Variants in NKAIN3 observed in about 807,000 individuals in gnomAD.
NKAIN3 encodes the protein sodium/potassium-transporting ATPase subunit beta-1-interacting protein 3.
NKAIN3 carries 25 observed loss-of-function variants against 30.2 expected under a neutral mutation model. The observed-to-expected ratio is 0.83, with a 90% CI of 0.60 to 1.16. The LOEUF is 1.16. NKAIN3 is among the 50% of genes most tolerant of loss of function. The pLI is 0.00. For synonymous variants in NKAIN3, 91 were observed against 89.6 expected (o/e 1.02, Z -0.09); for missense variants, 225 against 254.1 (o/e 0.89, Z 0.78).
chr8:62,371,331 T>C (rs1585733291), intron 1 of NKAIN3, among the ~76,000 whole-genome samples: 1 of 151,962 alleles, frequency 6.6e-6, no homozygotes, highest in Non-Finnish European at 1.5e-5. Context: ...TGGAATACAA[T>C]GAAACTAGTT....
intron 1 of NKAIN3, among the ~76,000 whole-genome samples, chr8:62,439,302 T>C (rs994914187): frequency 2.6e-5 from 4 of 152,154 alleles, no homozygotes; most frequent in African/African-American, 9.7e-5. Context: ...AACTTACAGT[T>C]TACAAATTTT....
At chr8:62,362,933 T>G (rs1293913608) in intron 1 of NKAIN3, among the ~76,000 whole-genome samples, 1 of 152,198 alleles carries the variant, frequency 6.6e-6, no homozygotes, top group Non-Finnish European at 1.5e-5. Flanking sequence ...GGTTGAAATA[T>G]GGCTGCTGGG....
At chr8:62,787,998 A>G (rs1352933990) in intron 4 of NKAIN3, among the ~76,000 whole-genome samples, 1 of 149,266 alleles carries the variant, frequency 6.7e-6, no homozygotes, top group Admixed American at 6.8e-5. Flanking sequence ...ATACATGTGC[A>G]TGTGTCTTTA....
chr8:62,909,758 A>G (rs1325941670), intron 4 of NKAIN3, among the ~76,000 whole-genome samples: 2 of 152,186 alleles, frequency 1.3e-5, no homozygotes, highest in Non-Finnish European at 2.9e-5. Flanking sequence ...GGCAAAAGTA[A>G]AAGGAAATGT....
intron 1 of NKAIN3, among the ~76,000 whole-genome samples, chr8:62,448,245 T>C (rs937800384): frequency 4.0e-5 from 6 of 151,748 alleles, no homozygotes; most frequent in Non-Finnish European, 8.8e-5. Flanking sequence ...GAGGAACATA[T>C]CAGAATTCTC....
chr8:62,633,677 C>A (rs566238439), intron 3 of NKAIN3, among the ~76,000 whole-genome samples: 133 of 152,268 alleles, frequency 8.7e-4, no homozygotes, highest in African/African-American at 3.1e-3. Context: ...TCCAGCTCAT[C>A]TTTGAGCACA....
At chr8:62,775,681 A>G (rs1184386470) in intron 4 of NKAIN3, among the ~76,000 whole-genome samples, 1 of 152,030 alleles carries the variant, frequency 6.6e-6, no homozygotes, top group African/African-American at 2.4e-5. Context: ...GGAGCCTGTC[A>G]TTAAATTTCC....
At chr8:62,645,995 A>C (rs1812447771) in intron 3 of NKAIN3, among the ~76,000 whole-genome samples, 1 of 152,106 alleles carries the variant, frequency 6.6e-6, no homozygotes, top group African/African-American at 2.4e-5. Context: ...TTGATTATTA[A>C]ATCTCAAAAC....
At chr8:62,560,977 A>G (rs1241211447) in intron 1 of NKAIN3, among the ~76,000 whole-genome samples, 2 of 151,748 alleles carry the variant, frequency 1.3e-5, no homozygotes, top group Non-Finnish European at 2.9e-5. Context: ...TTTTTTGTTG[A>G]AGATCTTTAA....
chr8:62,400,907 A>G (rs1803840559), intron 1 of NKAIN3, among the ~76,000 whole-genome samples: 1 of 152,098 alleles, frequency 6.6e-6, no homozygotes, highest in African/African-American at 2.4e-5. Context: ...CTTACTTAGG[A>G]TAAATGTGCT....
intron 4 of NKAIN3, among the ~76,000 whole-genome samples, chr8:62,830,718 G>A (rs4739011): frequency 0.072 from 10,929 of 152,202 alleles, 705 homozygotes; most frequent in East Asian, 0.27. Context: ...AGACTGTGGT[G>A]CAACAGGGTC....
At chr8:62,849,678 C>T (rs1362521346) in intron 4 of NKAIN3, among the ~76,000 whole-genome samples, 6 of 131,932 alleles carry the variant, frequency 4.5e-5, no homozygotes, top group African/African-American at 8.5e-5. Context: ...TTGTTCACTT[C>T]CCACCTATGA....
intron 1 of NKAIN3, among the ~76,000 whole-genome samples, chr8:62,265,424 A>G (rs1218559682): frequency 1.3e-5 from 2 of 152,204 alleles, no homozygotes; most frequent in Admixed American, 1.3e-4. Flanking sequence ...ACTTTTGTCC[A>G]AAAAGGTAGA....
At position 62,969,141 on chromosome 8, in the gene NKAIN3, T is replaced by C. The variant is rs1195753112; in HGVS notation, c.*3734T>C. ...TTTGTTTTGAAGATACTCGACACTT[T>C]GCCCTAGCAAAATATTGACTTCTTT... On this transcript the variant is annotated 3_prime_UTR_variant, in exon 7 of 7. Coordinates refer to ENST00000623646, the MANE Select transcript of NKAIN3 (RefSeq NM_001304533.3). Among the ~76,000 whole-genome samples, 3 of 152,228 alleles carry C rather than the reference T, an allele frequency of 2.0e-5. No individual in the cohort carries two copies. The highest frequency in any genetic ancestry group is 7.2e-5 in the African/African-American group (3 of 41,470).
Position 62,965,620 on chromosome 8 carries a change from T to TAAA in NKAIN3, c.*227_*229dup, listed in dbSNP as rs35150872. ...TTCTTATATGAACACTTGTAAGTTGTAAAAAAAAAAAAAAAAGAAAAAACA... is the reference window on the plus strand; with the variant it reads ...TTCTTATATGAACACTTGTAAGTTGTAAAAAAAAAAAAAAAAAAAGAAAAAACA... On this transcript the variant is annotated 3_prime_UTR_variant, in exon 7 of 7. Coordinates refer to ENST00000623646, the MANE Select transcript of NKAIN3 (RefSeq NM_001304533.3). 0.056 allele frequency: 49,515 copies of TAAA among 879,194 alleles called. 306 individuals carry two copies. Among genetic ancestry groups the TAAA allele is most frequent in the South Asian group, 0.069 (1,301 of 18,948 alleles). The allele number at this position is 879,194 out of a possible 1,614,324, so 54.5% of individuals were successfully genotyped here.
intron 1 of NKAIN3, among the ~76,000 whole-genome samples, chr8:62,316,656 A>G (rs1278360269): frequency 6.6e-6 from 1 of 152,048 alleles, no homozygotes; most frequent in African/African-American, 2.4e-5. Context: ...TATGTGCCAC[A>G]TTTTTTTAAT....
intron 1 of NKAIN3, among the ~76,000 whole-genome samples, chr8:62,276,146 AC>A (rs1193235418): frequency 6.6e-6 from 1 of 152,010 alleles, no homozygotes; most frequent in African/African-American, 2.4e-5. Context: ...GCTCACTGCA[AC>A]CTCCGCCTCC....
chr8:62,544,175 G>C (rs1808936439), intron 1 of NKAIN3, among the ~76,000 whole-genome samples: 1 of 151,852 alleles, frequency 6.6e-6, no homozygotes, highest in South Asian at 2.1e-4. Context: ...CTAATTTTTA[G>C]TATTTTTTGT....
chr8:62,458,024 T>C (rs1166930743), intron 1 of NKAIN3, among the ~76,000 whole-genome samples: 1 of 152,222 alleles, frequency 6.6e-6, no homozygotes, highest in Non-Finnish European at 1.5e-5. Context: ...CGGGACTGGT[T>C]AGTGTATAAT....
Sources: allele counts gnomAD v4.1 joint callset (sites outside exome capture counted in the v4.1 genomes callset), GRCh38; gene constraint gnomAD v4.1.1; transcripts MANE v1.5; gene names NCBI Gene and HGNC (gene_info 2026-07-23, HGNC 2026-07-21).